The following CRISP1 variants were observed in gnomAD, a reference collection of about 807,000 sequenced individuals.
CRISP1 encodes the protein cysteine rich secretory protein 1.
In CRISP1, 44 loss-of-function variants were observed where a neutral mutation model predicts 33.1. The observed-to-expected ratio is 1.33, with a 90% CI of 1.05 to 1.71. The LOEUF is 1.71. Among genes scored for constraint, CRISP1 ranks in the 40% most tolerant of loss-of-function variants. The pLI is 0.00. For missense variants in CRISP1, 390 were observed against 301.2 expected, an observed-to-expected ratio of 1.29 and a Z score of -2.18; for synonymous variants, 103 against 98.7, an observed-to-expected ratio of 1.04 and a Z score of -0.26.
rs1301367195 is a variant in CRISP1, at chr6:49,834,681, A to G, written c.*635T>C. 1 of 152,182 alleles carries G rather than the reference A, an allele frequency of 6.6e-6. No homozygotes were observed. The highest frequency in any genetic ancestry group is 2.1e-4 in the South Asian group (1 of 4,830). 9.4% of individuals were successfully genotyped at this position (152,182 alleles called of 1,614,324 possible). On this transcript the variant is annotated 3_prime_UTR_variant, in exon 8 of 8. Transcript: ENST00000335847. ...AACTATATTCCTTCCATATATATAA[A>G]CATGCATCTTGTATGCAATCAGTAC...
chr6:49,873,028 C>A (rs966644467), intron 1 of CRISP1, among the ~76,000 whole-genome samples: 1 of 151,980 alleles, frequency 6.6e-6, no homozygotes, highest in African/African-American at 2.4e-5. Flanking sequence ...TCTTCCTACC[C>A]ATGAGCATGG....
intron 1 of CRISP1, among the ~76,000 whole-genome samples, chr6:49,864,411 TG>T (rs1771743423): frequency 3.3e-5 from 5 of 151,784 alleles, no homozygotes. Context: ...TGTGTGTGTG[TG>T]TGTGTGTGTG....
chr6:49,856,145 T>C (rs2127475319), intron 2 of CRISP1, among the ~76,000 whole-genome samples: 2 of 152,304 alleles, frequency 1.3e-5, no homozygotes, highest in South Asian at 4.1e-4. Flanking sequence ...TCTACTTATC[T>C]GCTCTTTGCT....
At chr6:49,852,201 A>G in intron 2 of CRISP1, 72 bp from the exon 3 acceptor site, 1 of 1,388,976 alleles carries the variant, frequency 7.2e-7, no homozygotes, top group Admixed American at 2.1e-5. Context: ...TTGCAGACCT[A>G]TAGGTAATGC....
intron 1 of CRISP1, among the ~76,000 whole-genome samples, chr6:49,863,134 G>C (rs1480067759): frequency 6.6e-6 from 1 of 152,134 alleles, no homozygotes; most frequent in African/African-American, 2.4e-5. Context: ...ATGTAAGAAA[G>C]ATGCAGACCT....
At chr6:49,841,108 G>C (rs1770972963) in intron 5 of CRISP1, 113 bp from the exon 6 acceptor site, 2 of 922,838 alleles carry the variant, frequency 2.2e-6, no homozygotes, top group African/African-American at 3.3e-5. Flanking sequence ...GGTTTACTTT[G>C]GGCATGGCTT....
chr6:49,848,839 C>T (rs1337076573), intron 3 of CRISP1, among the ~76,000 whole-genome samples: 1 of 151,990 alleles, frequency 6.6e-6, no homozygotes, highest in Non-Finnish European at 1.5e-5. Context: ...AAGCTAACAC[C>T]ACATGCCAGA....
chr6:49,844,557 A>G (rs756605386), intron 5 of CRISP1, among the ~76,000 whole-genome samples: 5 of 152,160 alleles, frequency 3.3e-5, no homozygotes, highest in African/African-American at 1.2e-4. Flanking sequence ...TCTGAGAGTC[A>G]TTTGATGAGG....
Position 49,857,339 on chromosome 6 carries a change from A to G in CRISP1, c.62T>C (p.Met21Thr). ...AAACLLPMLS[M>T]KKKSARDQFN... ...AAACATCCAACCCTCACATACTTTC[A>G]TGGACAACATAGGCAGTAAGCAAGC... The change falls in exon 2 of 8, where the codon ATG becomes ACG. Residue 21 changes from methionine to threonine, a missense_variant. By Grantham distance (81) the Met-to-Thr change is moderately conservative. Transcript: ENST00000335847. 6.2e-7 allele frequency: 1 copy of G among 1,612,784 alleles called. No individual in the cohort carries two copies. The highest frequency in any genetic ancestry group is 8.5e-7 in the Non-Finnish European group (1 of 1,179,092).
intron 1 of CRISP1, among the ~76,000 whole-genome samples, chr6:49,871,616 T>C (rs1771926291): frequency 7.2e-6 from 1 of 139,380 alleles, no homozygotes; most frequent in South Asian, 2.3e-4. Flanking sequence ...GTTCTCATTG[T>C]TCAATTCCCA....
At chr6:49,838,820 G>A (rs569929913) in intron 6 of CRISP1, among the ~76,000 whole-genome samples, 3 of 152,194 alleles carry the variant, frequency 2.0e-5, no homozygotes, top group South Asian at 4.2e-4. Flanking sequence ...GTACAAGCAA[G>A]GGGACTCACA....
At chr6:49,868,315 G>C (rs958737372), upstream of CRISP1, among the ~76,000 whole-genome samples, 1 of 152,066 alleles carries the variant, frequency 6.6e-6, no homozygotes, top group Admixed American at 6.6e-5. Context: ...AGCATAGTAG[G>C]AAACTATCTA....
chr6:49,861,758 A>T (rs1316020299), intron 1 of CRISP1, among the ~76,000 whole-genome samples: 1 of 151,936 alleles, frequency 6.6e-6, no homozygotes, highest in African/African-American at 2.4e-5. Context: ...GGTGGCACGC[A>T]CCTATAGTCC....
chr6:49,863,617 G>A (rs145495564), intron 1 of CRISP1, among the ~76,000 whole-genome samples: 2 of 152,008 alleles, frequency 1.3e-5, no homozygotes, highest in Non-Finnish European at 2.9e-5. Flanking sequence ...TGACAAATTT[G>A]TAAATCATAA....
intron 1 of CRISP1, among the ~76,000 whole-genome samples, chr6:49,874,128 G>A (rs1167229381): frequency 1.3e-5 from 2 of 151,914 alleles, no homozygotes; most frequent in Non-Finnish European, 2.9e-5. Context: ...AAATGAGGAG[G>A]GAGACATTTT....
intron 5 of CRISP1, among the ~76,000 whole-genome samples, chr6:49,843,506 G>A (rs1771059786): frequency 1.3e-5 from 2 of 152,202 alleles, no homozygotes; most frequent in South Asian, 4.1e-4. Context: ...CTTTAAGCCA[G>A]AAGGAGAATC....
chr6:49,854,205 T>C (rs886583973), intron 2 of CRISP1, among the ~76,000 whole-genome samples: 1 of 152,090 alleles, frequency 6.6e-6, no homozygotes, highest in African/African-American at 2.4e-5. Context: ...AGTGAATGGG[T>C]CATTCTTTCT....
chr6:49,851,919 G>T, intron 3 of CRISP1, 82 bp downstream of exon 3: 1 of 1,458,162 alleles, frequency 6.9e-7, no homozygotes, highest in South Asian at 1.4e-5. Flanking sequence ...TTAGCACTTT[G>T]AAAGTGCATA....
intron 2 of CRISP1, among the ~76,000 whole-genome samples, chr6:49,853,874 C>T (rs1355937007): frequency 1.3e-5 from 2 of 152,176 alleles, no homozygotes; most frequent in Non-Finnish European, 2.9e-5. Flanking sequence ...ATCAGCTGAG[C>T]ATTGCCAGAA....
Sources: allele counts gnomAD v4.1 joint callset (sites outside exome capture counted in the v4.1 genomes callset), GRCh38; gene constraint gnomAD v4.1.1; transcripts MANE v1.5; gene names NCBI Gene and HGNC (gene_info 2026-07-23, HGNC 2026-07-21).